Variants in SULF1 observed in about 807,000 individuals in gnomAD.
SULF1 encodes sulfatase 1.
Under a neutral mutation model 110.5 loss-of-function variants are expected in SULF1, and 46 were observed. The ratio of observed to expected loss-of-function variants is 0.42; its 90% CI spans 0.33 to 0.53. The LOEUF is 0.53. SULF1 is among the 20% of genes least tolerant of loss of function. The probability of loss-of-function intolerance (pLI) is 0.12; values close to 1 mark genes in which losing one functional copy is unlikely to be tolerated. For missense variants in SULF1, 941 were observed against 1,094.2 expected, an observed-to-expected ratio of 0.86 and a Z score of 1.98; for synonymous variants, 371 against 387.1, an observed-to-expected ratio of 0.96 and a Z score of 0.49.
At chr8:69,627,436 A>G (rs1810176697) in intron 16 of SULF1, 130 bp downstream of exon 16, 1 of 683,766 alleles carries the variant, frequency 1.5e-6, no homozygotes, top group Non-Finnish European at 2.5e-6. Context: ...CAAAAAAAAA[A>G]AGTTATTTGT....
At chr8:69,586,658 GCAAGGAAAAGACTCT>G (rs1806487606) in intron 7 of SULF1, 150 bp downstream of exon 7, 1 of 908,718 alleles carries the variant, frequency 1.1e-6, no homozygotes, top group Non-Finnish European at 1.6e-6. Flanking sequence ...TAAACTCTAG[GCAAGGAAAAGACTCT>G]CAAGGAACGC....
At chr8:69,618,325 G>A (rs1371725697) in intron 13 of SULF1, among the ~76,000 whole-genome samples, 1 of 152,166 alleles carries the variant, frequency 6.6e-6, no homozygotes, top group African/African-American at 2.4e-5. Context: ...AAAAAGAAAA[G>A]ATGATTTCGT....
At chr8:69,611,784 G>T (rs1808676822) in intron 13 of SULF1, among the ~76,000 whole-genome samples, 1 of 152,138 alleles carries the variant, frequency 6.6e-6, no homozygotes, top group Non-Finnish European at 1.5e-5. Context: ...ACTAGTGTGT[G>T]TTTATGTATA....
intron 13 of SULF1, among the ~76,000 whole-genome samples, chr8:69,609,999 T>A (rs575553061): frequency 6.6e-6 from 1 of 152,298 alleles, no homozygotes; most frequent in South Asian, 2.1e-4. Flanking sequence ...AAAGAGAAAT[T>A]CCCTGGGCAT....
intron 3 of SULF1, among the ~76,000 whole-genome samples, chr8:69,553,977 C>G (rs1410380216): frequency 6.6e-6 from 1 of 152,132 alleles, no homozygotes; most frequent in African/African-American, 2.4e-5. Flanking sequence ...CACACATGTG[C>G]TTGAGACTTC....
intron 13 of SULF1, among the ~76,000 whole-genome samples, chr8:69,617,818 A>G (rs776937202): frequency 3.3e-5 from 5 of 152,164 alleles, no homozygotes; most frequent in African/African-American, 1.2e-4. Context: ...TCCTGAAAGC[A>G]TAGGTGCACT....
chr8:69,554,851 CG>C (rs1342654659), intron 3 of SULF1, among the ~76,000 whole-genome samples: 19 of 151,622 alleles, frequency 1.3e-4, no homozygotes, highest in African/African-American at 4.6e-4. Context: ...TGGTGGCAGG[CG>C]CCTGTGGTCC....
intron 1 of SULF1, among the ~76,000 whole-genome samples, chr8:69,478,183 G>A (rs1195023490): frequency 6.6e-6 from 1 of 152,106 alleles, no homozygotes; most frequent in Non-Finnish European, 1.5e-5. Flanking sequence ...AAAAAGAATG[G>A]TTGGAGGAAA....
intron 4 of SULF1, 146 bp from the exon 5 acceptor site, chr8:69,563,770 G>T (rs900291776): frequency 1.9e-6 from 1 of 522,514 alleles, no homozygotes; most frequent in East Asian, 3.0e-5. Context: ...ACTTGTGAGG[G>T]TTTGCTATTT....
chr8:69,533,890 G>C (rs1586328768), intron 3 of SULF1, among the ~76,000 whole-genome samples: 1 of 152,232 alleles, frequency 6.6e-6, no homozygotes, highest in Non-Finnish European at 1.5e-5. Flanking sequence ...AAGACTTGTA[G>C]AGAATAGCCT....
intron 8 of SULF1, among the ~76,000 whole-genome samples, chr8:69,595,100 G>A (rs1013247674): frequency 4.6e-5 from 7 of 152,196 alleles, no homozygotes; most frequent in South Asian, 2.1e-4. Flanking sequence ...TTAAACAGTC[G>A]ATTTTATGAA....
intron 3 of SULF1, among the ~76,000 whole-genome samples, chr8:69,505,651 A>G (rs1811135080): frequency 6.6e-6 from 1 of 152,140 alleles, no homozygotes; most frequent in Non-Finnish European, 1.5e-5. Flanking sequence ...TCAGATGTGG[A>G]CCCTAAAACT....
intron 3 of SULF1, among the ~76,000 whole-genome samples, chr8:69,555,257 G>A (rs986206067): frequency 6.6e-6 from 1 of 152,146 alleles, no homozygotes; most frequent in African/African-American, 2.4e-5. Flanking sequence ...CTGCCTCTGC[G>A]GGAGGCCAAG....
intron 5 of SULF1, among the ~76,000 whole-genome samples, chr8:69,564,649 C>T (rs930217748): frequency 6.6e-6 from 1 of 152,166 alleles, no homozygotes; most frequent in African/African-American, 2.4e-5. Context: ...GGTAGAGAAT[C>T]CACTTACTAC....
intron 3 of SULF1, among the ~76,000 whole-genome samples, chr8:69,502,685 T>C (rs982936332): frequency 1.5e-5 from 2 of 130,734 alleles, no homozygotes; most frequent in Non-Finnish European, 3.3e-5. Flanking sequence ...TTTTTCTTTT[T>C]TTTTCTTTTT....
intron 22 of SULF1, among the ~76,000 whole-genome samples, chr8:69,650,585 G>A (rs1362975045): frequency 6.6e-6 from 1 of 152,174 alleles, no homozygotes; most frequent in African/African-American, 2.4e-5. Flanking sequence ...ATTCCAACCT[G>A]GATGACAGAG....
chr8:69,627,992 G>A, intron 17 of SULF1, 126 bp downstream of exon 17: 1 of 895,304 alleles, frequency 1.1e-6, no homozygotes, highest in South Asian at 1.6e-5. Context: ...GATAACCTAA[G>A]CTATTTAAGT....
chr8:69,656,362 G>T (rs1487218483), intron 22 of SULF1, among the ~76,000 whole-genome samples: 1 of 152,120 alleles, frequency 6.6e-6, no homozygotes, highest in African/African-American at 2.4e-5. Flanking sequence ...GGATGCGCAG[G>T]TTTGTTACAT....
rs530630779 is a variant in SULF1, at chr8:69,482,225, G to A, written c.-390-13540G>A. Among the ~76,000 whole-genome samples, 9 of 152,094 alleles carry A rather than the reference G, an allele frequency of 5.9e-5. No homozygotes were observed. In the South Asian group the frequency reaches 1.2e-3, roughly 21 times the overall value. On this transcript the variant is annotated intron_variant, in intron 1 of 22. Coordinates refer to the SULF1 transcript ENST00000260128. ...CTGAGAAAAATTTGGCACTATAACCGGCTAGATAATGGGCTCTCTTCATTT... is the reference window on the plus strand; with the variant it reads ...CTGAGAAAAATTTGGCACTATAACCAGCTAGATAATGGGCTCTCTTCATTT...
Sources: gnomAD v4.1 joint callset for allele counts (sites outside exome capture counted in the v4.1 genomes callset) on GRCh38, gnomAD v4.1.1 for gene constraint, MANE v1.5 for transcripts, NCBI Gene and HGNC (gene_info 2026-07-23, HGNC 2026-07-21) for gene names.